Variants in SLC8A3 observed in about 807,000 individuals in gnomAD.
SLC8A3 encodes the protein solute carrier family 8 member A3, also known as sodium/calcium exchanger 3.
In SLC8A3, 37 loss-of-function variants were observed where a neutral mutation model predicts 65.4. The observed-to-expected ratio is 0.57, with a 90% CI of 0.44 to 0.74. The LOEUF (loss-of-function observed/expected upper bound fraction) is 0.74. Among genes scored for constraint, SLC8A3 ranks in the 30% least tolerant of loss-of-function variants. The probability of loss-of-function intolerance (pLI) is 0.00; values close to 1 mark genes in which losing one functional copy is unlikely to be tolerated. For synonymous variants in SLC8A3, 461 were observed against 444.5 expected, an observed-to-expected ratio of 1.04 and a Z score of -0.47; for missense variants, 1,112 against 1,172.1, an observed-to-expected ratio of 0.95 and a Z score of 0.75.
rs184371259 is a variant in SLC8A3 at position 70,141,292 on chromosome 14, T to C, written c.1784+25347A>G. ...CAGCATGTATCACCCCATTTAGACCTTGCTGCAAAGATATATGGTAGACAT... is the reference window on the plus strand; with the variant it reads ...CAGCATGTATCACCCCATTTAGACCCTGCTGCAAAGATATATGGTAGACAT... On this transcript the variant is annotated intron_variant, in intron 2 of 6. Transcript: ENST00000356921. Among the ~76,000 whole-genome samples, 237 of 152,286 alleles carry C rather than the reference T, an allele frequency of 1.6e-3. 1 individual carries two copies. Among genetic ancestry groups the C allele is most frequent in the African/African-American group, 5.2e-3 (218 of 41,552 alleles).
intron 1 of SLC8A3, among the ~76,000 whole-genome samples, chr14:70,172,201 C>T (rs570414841): frequency 1.4e-4 from 22 of 152,252 alleles, no homozygotes; most frequent in African/African-American, 3.9e-4. Flanking sequence ...AACAGTAATT[C>T]GCATCTACAA....
chr14:70,083,119 T>C (rs1891178194), intron 2 of SLC8A3, among the ~76,000 whole-genome samples: 1 of 152,206 alleles, frequency 6.6e-6, no homozygotes, highest in Non-Finnish European at 1.5e-5. Context: ...GTTTCTACTG[T>C]TCCACTTTGG....
At chr14:70,148,877 G>C (rs111329512) in intron 2 of SLC8A3, among the ~76,000 whole-genome samples, 1 of 152,138 alleles carries the variant, frequency 6.6e-6, no homozygotes, top group African/African-American at 2.4e-5. Flanking sequence ...TGATCAGGGC[G>C]TGAATATGAC....
chr14:70,078,640 A>G (rs1392587567), intron 2 of SLC8A3, among the ~76,000 whole-genome samples: 1 of 152,164 alleles, frequency 6.6e-6, no homozygotes, highest in Admixed American at 6.5e-5. Flanking sequence ...TGGACCACCT[A>G]CCTTGTCTAT....
chr14:70,118,391 C>T (rs1329456525), intron 2 of SLC8A3, among the ~76,000 whole-genome samples: 1 of 152,224 alleles, frequency 6.6e-6, no homozygotes, highest in Non-Finnish European at 1.5e-5. Flanking sequence ...GAACCCTTTA[C>T]ACCAGAGGAA....
At chr14:70,058,011 G>A (rs1888360128) in intron 3 of SLC8A3, among the ~76,000 whole-genome samples, 1 of 152,124 alleles carries the variant, frequency 6.6e-6, no homozygotes. Context: ...CTAGACTCCA[G>A]AGCAACTGTG....
chr14:70,123,103 G>T (rs1264897797), intron 2 of SLC8A3, among the ~76,000 whole-genome samples: 1 of 151,196 alleles, frequency 6.6e-6, no homozygotes, highest in African/African-American at 2.4e-5. Flanking sequence ...AAATTGGCAG[G>T]GCATGGTGGC....
chr14:70,171,110 C>T (rs941652374), intron 1 of SLC8A3, among the ~76,000 whole-genome samples: 8 of 152,302 alleles, frequency 5.3e-5, no homozygotes, highest in African/African-American at 1.4e-4. Flanking sequence ...TTGTGGATTC[C>T]AATGAGCCCC....
chr14:70,133,468 TG>T (rs770899789), intron 2 of SLC8A3, among the ~76,000 whole-genome samples: 14 of 152,042 alleles, frequency 9.2e-5, no homozygotes, highest in African/African-American at 1.7e-4. Flanking sequence ...AATATACTCT[TG>T]GGGGGTAATA....
At chr14:70,153,513 G>C (rs542336353) in intron 2 of SLC8A3, among the ~76,000 whole-genome samples, 9 of 152,232 alleles carry the variant, frequency 5.9e-5, no homozygotes, top group Admixed American at 5.2e-4. Context: ...AAACAAGAAG[G>C]GGGTGTTGCC....
intron 1 of SLC8A3, among the ~76,000 whole-genome samples, chr14:70,175,757 G>C (rs1338769576): frequency 6.9e-6 from 1 of 144,650 alleles, no homozygotes; most frequent in Non-Finnish European, 1.5e-5. Flanking sequence ...TTTTTTGAGA[G>C]GCAGTTTCAC....
intron 2 of SLC8A3, among the ~76,000 whole-genome samples, chr14:70,153,756 C>T (rs1464615265): frequency 6.6e-6 from 1 of 152,210 alleles, no homozygotes; most frequent in Non-Finnish European, 1.5e-5. Flanking sequence ...ACAGGGCTGG[C>T]ATAGGCTCTC....
chr14:70,172,113 G>A (rs540063749), intron 1 of SLC8A3, among the ~76,000 whole-genome samples: 25 of 152,126 alleles, frequency 1.6e-4, no homozygotes, highest in African/African-American at 5.5e-4. Flanking sequence ...TATTAACCCC[G>A]AGGCATACTC....
intron 2 of SLC8A3, among the ~76,000 whole-genome samples, chr14:70,075,754 C>T (rs1179539836): frequency 6.6e-6 from 1 of 152,224 alleles, no homozygotes; most frequent in East Asian, 1.9e-4. Flanking sequence ...AAAATTATAA[C>T]ATGCTGCTCC....
intron 1 of SLC8A3, among the ~76,000 whole-genome samples, chr14:70,182,431 A>C (rs1882832277): frequency 6.6e-6 from 1 of 152,070 alleles, no homozygotes; most frequent in Non-Finnish European, 1.5e-5. Flanking sequence ...AGAGGAGAGA[A>C]TCTTGGAGTG....
chr14:70,181,813 G>A (rs1882774210), intron 1 of SLC8A3, among the ~76,000 whole-genome samples: 1 of 152,154 alleles, frequency 6.6e-6, no homozygotes, highest in African/African-American at 2.4e-5. Context: ...CATTTTAGGA[G>A]GTGAATCTTG....
In SLC8A3 at chr14:70,048,937, A is replaced by G; in HGVS notation, c.2219T>C (p.Val740Ala). The G allele has an allele frequency of 6.2e-7, 1 of 1,614,262 alleles. No individual in the cohort carries two copies. Reference protein sequence around the residue: ...TVFWKVLFACVPPTEYCHGWA... With the variant: ...TVFWKVLFACAPPTEYCHGWA... ...GCCGTGGCAGTACTCTGTGGGGGGCACACAGGCAAACAGCACCTTCCAGAA... is the reference window on the plus strand; with the variant it reads ...GCCGTGGCAGTACTCTGTGGGGGGCGCACAGGCAAACAGCACCTTCCAGAA... Residue 740 changes from valine to alanine, a missense_variant, in exon 6 of 7, where the codon GTG becomes GCG. Transcript: ENST00000356921.
At chr14:70,130,260 A>T (rs2140225169) in intron 2 of SLC8A3, among the ~76,000 whole-genome samples, 1 of 152,326 alleles carries the variant, frequency 6.6e-6, no homozygotes, top group African/African-American at 2.4e-5. Context: ...TTCCTTAAGG[A>T]TTTAAGATTT....
At chr14:70,135,092 C>T (rs998886611) in intron 2 of SLC8A3, among the ~76,000 whole-genome samples, 4 of 152,166 alleles carry the variant, frequency 2.6e-5, no homozygotes, top group Non-Finnish European at 5.9e-5. Flanking sequence ...CCTGAATAGA[C>T]ATTTCTCAAA....
Sources: gnomAD v4.1 joint callset for allele counts (sites outside exome capture counted in the v4.1 genomes callset) on GRCh38, gnomAD v4.1.1 for gene constraint, MANE v1.5 for transcripts, NCBI Gene and HGNC (gene_info 2026-07-23, HGNC 2026-07-21) for gene names.